The following CRLF3 variants were observed in gnomAD, a reference collection of about 807,000 sequenced individuals.
CRLF3 encodes the protein cytokine receptor like factor 3, also known as cytokine receptor-like factor 3.
Under a neutral mutation model 55.0 loss-of-function variants are expected in CRLF3, and 33 were observed. The observed-to-expected ratio is 0.60, with a 90% CI of 0.46 to 0.80. The LOEUF (loss-of-function observed/expected upper bound fraction) is 0.80, where lower values mean the gene tolerates loss of function less well. Ranked by LOEUF, CRLF3 falls within the 30% of genes least tolerant of loss-of-function variation. The pLI, the probability that CRLF3 is intolerant of heterozygous loss-of-function variation, is 0.00. For missense variants in CRLF3, 494 were observed against 538.4 expected (o/e 0.92, Z 0.82); for synonymous variants, 238 against 196.8 (o/e 1.21, Z -1.75).
intron 1 of CRLF3, among the ~76,000 whole-genome samples, chr17:30,820,835 A>AG (rs1247085198): frequency 1.3e-5 from 2 of 151,110 alleles, no homozygotes; most frequent in African/African-American, 4.9e-5. Flanking sequence ...AAAAAAAAAA[A>AG]AAAAAAAAAG....
chr17:30,800,459 C>T (rs1174750497), intron 2 of CRLF3, among the ~76,000 whole-genome samples: 1 of 152,108 alleles, frequency 6.6e-6, no homozygotes, highest in Non-Finnish European at 1.5e-5. Flanking sequence ...ATTCCTTTGT[C>T]AAAAACAGCA....
chr17:30,810,969 G>A (rs1185246051), intron 1 of CRLF3, among the ~76,000 whole-genome samples: 1 of 151,664 alleles, frequency 6.6e-6, no homozygotes, highest in African/African-American at 2.4e-5. Flanking sequence ...ATGGCTTGTA[G>A]TCCCAGCTGC....
At chr17:30,789,149 G>C (rs1338256150) in intron 6 of CRLF3, among the ~76,000 whole-genome samples, 1 of 152,086 alleles carries the variant, frequency 6.6e-6, no homozygotes, top group Non-Finnish European at 1.5e-5. Context: ...GCAAAAGGCT[G>C]GCTACCATTA....
At chr17:30,784,757 AATT>A in intron 7 of CRLF3, 1 of 223,282 alleles carries the variant, frequency 4.5e-6, no homozygotes. Context: ...TCACCAACAC[AATT>A]TTTTTTTTTT....
At chr17:30,792,340 A>G in intron 6 of CRLF3, 100 bp downstream of exon 6, 15 of 1,134,750 alleles carry the variant, frequency 1.3e-5, no homozygotes, top group Non-Finnish European at 1.9e-5. Flanking sequence ...CCTATAAATG[A>G]CGGAATAAAC....
intron 1 of CRLF3, among the ~76,000 whole-genome samples, chr17:30,808,572 G>A (rs1904502443): frequency 6.6e-6 from 1 of 151,300 alleles, no homozygotes; most frequent in South Asian, 2.1e-4. Context: ...ACAGGCGTGA[G>A]CCAACGCGCC....
intron 1 of CRLF3, among the ~76,000 whole-genome samples, chr17:30,818,579 G>C (rs1232649050): frequency 6.7e-6 from 1 of 149,328 alleles, no homozygotes; most frequent in Non-Finnish European, 1.5e-5. Context: ...TCAGCCTCCC[G>C]AGTAGCTAAG....
intron 1 of CRLF3, among the ~76,000 whole-genome samples, chr17:30,818,024 G>A (rs569669117): frequency 1.3e-5 from 2 of 152,094 alleles, no homozygotes; most frequent in East Asian, 3.9e-4. Flanking sequence ...CACTTTGGGA[G>A]GCCGAGATGC....
intron 1 of CRLF3, among the ~76,000 whole-genome samples, chr17:30,822,722 T>C (rs187101987): frequency 9.5e-4 from 145 of 152,196 alleles, no homozygotes; most frequent in Admixed American, 7.9e-4. Flanking sequence ...TCAAGAGAAA[T>C]TAATTACTCC....
chr17:30,795,509 AAAG>A (rs1971900747), intron 4 of CRLF3, among the ~76,000 whole-genome samples: 1 of 142,292 alleles, frequency 7.0e-6, no homozygotes, highest in South Asian at 2.2e-4. Flanking sequence ...AAAAAAAAAA[AAAG>A]AAAATGTCAG....
Position 30,804,079 on chromosome 17 carries a change from A to G in CRLF3, c.159T>C (p.Asp53=), listed in dbSNP as rs773415390. The change falls in exon 2 of 8, where the codon GAT becomes GAC. Residue 53 remains aspartate (D), a synonymous_variant. Transcript: ENST00000324238. The part of the protein sequence containing the change: ...QIKESASQTR[D]VLKQHFNDLK... ...AATCATTAAAATGCTGTTTGAGAACATCCCTTGTCTGTGATGCACTTTCTT... is the reference window on the plus strand; with the variant it reads ...AATCATTAAAATGCTGTTTGAGAACGTCCCTTGTCTGTGATGCACTTTCTT... 1.2e-6 allele frequency: 2 copies of G among 1,613,664 alleles called. No individual in the cohort carries two copies. The highest frequency in any genetic ancestry group is 1.7e-6 in the Non-Finnish European group (2 of 1,179,700).
rs1419253188 is a variant in CRLF3 at position 30,782,808 on chromosome 17, G to A, written c.*1379C>T. 6.6e-6 allele frequency: 1 copy of A among 151,914 alleles called. No homozygotes were observed. The highest frequency in any genetic ancestry group is 1.9e-4 in the East Asian group (1 of 5,182). 9.4% of individuals were successfully genotyped at this position (151,914 alleles called of 1,614,324 possible). A position where few individuals can be genotyped will look rare whatever the true frequency, so the allele number is the denominator to read the frequency against. The stretch of plus-strand genomic sequence containing the variant: ...TATATATAAAAAGACAAGTAGAAAA[G>A]GTCATGATTGTCTAACAGGGAACAT... On this transcript the variant is annotated 3_prime_UTR_variant, in exon 8 of 8. Transcript: ENST00000324238.
intron 6 of CRLF3, chr17:30,786,241 G>T (rs574959016): frequency 3.1e-5 from 13 of 424,912 alleles, no homozygotes; most frequent in African/African-American, 2.1e-4. Flanking sequence ...TGAGGTAGGT[G>T]CTTTTTCTTT....
At chr17:30,803,183 A>G (rs1165392228) in intron 2 of CRLF3, among the ~76,000 whole-genome samples, 1 of 151,622 alleles carries the variant, frequency 6.6e-6, no homozygotes, top group Non-Finnish European at 1.5e-5. Context: ...AAATATATAT[A>G]TATATATAAT....
At position 30,794,895 on chromosome 17, in the gene CRLF3, C is replaced by T. The variant is rs1257559693; in HGVS notation, c.604-1223G>A. On this transcript the variant is annotated intron_variant, in intron 4 of 7. Coordinates refer to ENST00000324238, the MANE Select transcript of CRLF3 (RefSeq NM_015986.4). The stretch of plus-strand genomic sequence containing the variant: ...GTCAAGATATGGAATAACAGAAACT[C>T]ATATACTCCTTGGAAGGCTAAATTG... Among the ~76,000 whole-genome samples the T allele has an allele frequency of 1.1e-4, 16 of 152,162 alleles. No homozygotes were observed. In the East Asian group the frequency reaches 3.1e-3, roughly 29 times the overall value.
chr17:30,793,192 A>G (rs1287129464), intron 5 of CRLF3, among the ~76,000 whole-genome samples: 1 of 152,084 alleles, frequency 6.6e-6, no homozygotes, highest in Non-Finnish European at 1.5e-5. Flanking sequence ...AAGGAATATC[A>G]GTGCCCTACA....
intron 6 of CRLF3, among the ~76,000 whole-genome samples, chr17:30,787,223 T>C (rs1017366776): frequency 3.9e-5 from 6 of 152,246 alleles, no homozygotes; most frequent in Non-Finnish European, 8.8e-5. Context: ...TTTGTCATAG[T>C]TGACATTATA....
At chr17:30,800,436 G>A (rs968107465) in intron 2 of CRLF3, among the ~76,000 whole-genome samples, 1 of 151,886 alleles carries the variant, frequency 6.6e-6, no homozygotes. Flanking sequence ...CTAAGCACCC[G>A]CCTTCTCCTT....
At chr17:30,820,197 C>T (rs1391012088) in intron 1 of CRLF3, among the ~76,000 whole-genome samples, 2 of 152,096 alleles carry the variant, frequency 1.3e-5, no homozygotes, top group African/African-American at 4.8e-5. Context: ...CATTCCTACA[C>T]AGAACTTCCT....
Sources: allele counts gnomAD v4.1 joint callset (sites outside exome capture counted in the v4.1 genomes callset), GRCh38; gene constraint gnomAD v4.1.1; transcripts MANE v1.5; gene names NCBI Gene and HGNC (gene_info 2026-07-23, HGNC 2026-07-21).